The following UNC13C variants were observed in gnomAD, a reference collection of about 807,000 sequenced individuals.
The protein encoded by UNC13C is protein unc-13 homolog C.
Under a neutral mutation model 245.4 loss-of-function variants are expected in UNC13C, and 174 were observed. The ratio of observed to expected loss-of-function variants is 0.71; its 90% CI spans 0.63 to 0.80. The LOEUF (loss-of-function observed/expected upper bound fraction) is 0.80. UNC13C is among the 30% of genes least tolerant of loss of function. The pLI is 0.00. For synonymous variants in UNC13C, 992 were observed against 895.1 expected (o/e 1.11, Z -1.93); for missense variants, 2,829 against 2,602.9 (o/e 1.09, Z -1.89).
At chr15:54,575,912 C>CT (rs974391566) in intron 30 of UNC13C, among the ~76,000 whole-genome samples, 34 of 152,306 alleles carry the variant, frequency 2.2e-4, no homozygotes, top group African/African-American at 8.2e-4. Flanking sequence ...ACATTGCAGT[C>CT]TTTCTGATGA....
chr15:54,629,029 A>G (rs1901378693), downstream of UNC13C: 1 of 152,218 alleles, frequency 6.6e-6, no homozygotes, highest in Non-Finnish European at 1.5e-5. Flanking sequence ...AACACATGGA[A>G]CCATCCTAAA....
chr15:54,525,907 C>A (rs1404779041), intron 25 of UNC13C, among the ~76,000 whole-genome samples: 1 of 152,194 alleles, frequency 6.6e-6, no homozygotes, highest in Non-Finnish European at 1.5e-5. Context: ...ATTTCCCACA[C>A]TCAGGACAGA....
rs374677241 is a variant in UNC13C, at chr15:54,008,285, G to A, written c.-256-4363G>A. On this transcript the variant is annotated intron_variant, in intron 1 of 32. Transcript: ENST00000260323. Reference sequence around the variant, plus strand: ...GTCAAGGCTGTGTTTCATGTTAATCGCATGACCTTAAGCAAGTTTTCAGAA... The same window carrying A: ...GTCAAGGCTGTGTTTCATGTTAATCACATGACCTTAAGCAAGTTTTCAGAA... Among the ~76,000 whole-genome samples the A allele has an allele frequency of 1.1e-4, 17 of 152,194 alleles. No homozygotes were observed. In the East Asian group the frequency reaches 1.7e-3, roughly 16 times the overall value.
chr15:54,149,796 A>G (rs559267168), intron 4 of UNC13C, among the ~76,000 whole-genome samples: 1 of 152,360 alleles, frequency 6.6e-6, no homozygotes, highest in Non-Finnish European at 1.5e-5. Flanking sequence ...TATGCTAAAC[A>G]ATAATAATAA....
intron 1 of UNC13C, among the ~76,000 whole-genome samples, chr15:53,996,441 A>T (rs1894637608): frequency 6.6e-6 from 1 of 152,044 alleles, no homozygotes; most frequent in Non-Finnish European, 1.5e-5. Context: ...GCAGGGTTGA[A>T]CCACTTTTTC....
chr15:53,913,356 C>T, the UNC13C span: 1 of 152,192 alleles, frequency 6.6e-6, no homozygotes, highest in African/African-American at 2.4e-5. Context: ...GCATGAGTGC[C>T]TGAGTATGCC....
intron 1 of UNC13C, among the ~76,000 whole-genome samples, chr15:54,003,105 A>G (rs960597169): frequency 2.0e-5 from 3 of 152,208 alleles, no homozygotes; most frequent in African/African-American, 7.2e-5. Context: ...TTGTGGAAGC[A>G]GTGAAGTGGG....
intron 26 of UNC13C, among the ~76,000 whole-genome samples, chr15:54,540,359 C>T (rs1896188533): frequency 6.6e-6 from 1 of 151,934 alleles, no homozygotes; most frequent in African/African-American, 2.4e-5. Context: ...AATTATATGA[C>T]AGGAAATCTT....
downstream of UNC13C, chr15:54,629,915 C>CTAAT (rs1250134341): frequency 6.6e-6 from 1 of 152,074 alleles, no homozygotes; most frequent in Non-Finnish European, 1.5e-5. Flanking sequence ...AGTACAGGTA[C>CTAAT]TAATTTTGAA....
intron 2 of UNC13C, among the ~76,000 whole-genome samples, chr15:54,018,604 T>C (rs1027322905): frequency 1.3e-5 from 2 of 152,158 alleles, no homozygotes; most frequent in Non-Finnish European, 2.9e-5. Flanking sequence ...CCCTGCTGAG[T>C]TGGCACCATT....
intron 17 of UNC13C, among the ~76,000 whole-genome samples, chr15:54,364,287 C>G (rs1040147727): frequency 1.0e-4 from 3 of 29,584 alleles, no homozygotes; most frequent in Admixed American, 5.2e-4. Flanking sequence ...TTTATTAGAC[C>G]AAAAAATGAC....
chr15:53,865,952 A>G, the UNC13C span, among the ~76,000 whole-genome samples: 1 of 152,206 alleles, frequency 6.6e-6, no homozygotes, highest in African/African-American at 2.4e-5. Context: ...CTGAACCTAT[A>G]CAATAGAATA....
At chr15:54,544,848 A>G (rs559201926) in intron 26 of UNC13C, among the ~76,000 whole-genome samples, 3 of 152,340 alleles carry the variant, frequency 2.0e-5, no homozygotes, top group Admixed American at 6.5e-5. Context: ...GGAAGAATCA[A>G]TATTGTGAAA....
chr15:54,569,208 C>T (rs966115173), intron 30 of UNC13C, among the ~76,000 whole-genome samples: 2 of 152,164 alleles, frequency 1.3e-5, no homozygotes, highest in African/African-American at 4.8e-5. Context: ...TACACCCCCC[C>T]CTCCAACACA....
chr15:54,287,880 A>T (rs905273748), intron 10 of UNC13C, among the ~76,000 whole-genome samples: 1 of 152,160 alleles, frequency 6.6e-6, no homozygotes, highest in Non-Finnish European at 1.5e-5. Context: ...TTTACTTTAA[A>T]TGAAGTGAAT....
At chr15:54,157,497 T>A (rs1367600349) in intron 4 of UNC13C, among the ~76,000 whole-genome samples, 2 of 152,182 alleles carry the variant, frequency 1.3e-5, no homozygotes, top group East Asian at 3.9e-4. Flanking sequence ...CTCATGGTGA[T>A]CAGAGGTAGG....
At chr15:54,164,723 C>T (rs1030638701) in intron 4 of UNC13C, among the ~76,000 whole-genome samples, 1 of 152,032 alleles carries the variant, frequency 6.6e-6, no homozygotes, top group Non-Finnish European at 1.5e-5. Context: ...TTGATGTAAA[C>T]GATTTGGGTT....
At chr15:54,309,723 G>A (rs1596192655) in intron 13 of UNC13C, among the ~76,000 whole-genome samples, 1 of 151,920 alleles carries the variant, frequency 6.6e-6, no homozygotes, top group African/African-American at 2.4e-5. Context: ...TCTTCTGCAT[G>A]TGGACATCCA....
chr15:54,182,476 T>A (rs1253077523), intron 4 of UNC13C, among the ~76,000 whole-genome samples: 2 of 151,956 alleles, frequency 1.3e-5, no homozygotes, highest in Admixed American at 6.6e-5. Flanking sequence ...GTTTCCTGTT[T>A]TGGTTGTGTC....
Sources: gnomAD v4.1 joint callset for allele counts (sites outside exome capture counted in the v4.1 genomes callset) on GRCh38, gnomAD v4.1.1 for gene constraint, MANE v1.5 for transcripts, NCBI Gene and HGNC (gene_info 2026-07-23, HGNC 2026-07-21) for gene names.